Variants in ABCA10 observed in about 807,000 individuals in gnomAD.
ABCA10 encodes the protein ATP binding cassette subfamily A member 10.
ABCA10 carries 169 observed loss-of-function variants against 187.5 expected under a neutral mutation model. The ratio of observed to expected loss-of-function variants is 0.90; its 90% CI spans 0.80 to 1.02. The LOEUF (loss-of-function observed/expected upper bound fraction) is 1.02, where lower values mean the gene tolerates loss of function less well. Ranked by LOEUF, ABCA10 falls within the 50% of genes least tolerant of loss-of-function variation. The pLI, the probability that ABCA10 is intolerant of heterozygous loss-of-function variation, is 0.00. For synonymous variants in ABCA10, 574 were observed against 601.8 expected, an observed-to-expected ratio of 0.95 and a Z score of 0.68; for missense variants, 1,727 against 1,812.4, an observed-to-expected ratio of 0.95 and a Z score of 0.86.
chr17:69,194,368 T>TA lies in ABCA10; in HGVS notation c.1345+16dup. 6.3e-7 allele frequency: 1 copy of TA among 1,591,154 alleles called. No individual in the cohort carries two copies. Among genetic ancestry groups the TA allele is most frequent in the Non-Finnish European group, 8.6e-7 (1 of 1,162,686 alleles). ...TTGCTTTTTCAGCCAACTTACTTTA[T>TA]AAAACTGTTTTCTCACCTTCTGTAG... On this transcript the variant is annotated intron_variant, in intron 12 of 38. Coordinates refer to ENST00000690296, the MANE Select transcript of ABCA10 (RefSeq NM_001377321.1).
intron 11 of ABCA10, among the ~76,000 whole-genome samples, chr17:69,195,639 T>C (rs974310846): frequency 2.2e-4 from 32 of 142,620 alleles, no homozygotes; most frequent in African/African-American, 7.9e-4. Context: ...AGGACAATAG[T>C]GGAGGGAAGG....
At chr17:69,185,441 T>C (rs552863251) in intron 20 of ABCA10, 36 bp downstream of exon 20, 1 of 1,572,882 alleles carries the variant, frequency 6.4e-7, no homozygotes, top group Admixed American at 1.8e-5. Flanking sequence ...TCTTTGATAA[T>C]AAAAACTCAC....
chr17:69,152,442 G>T lies in ABCA10; in HGVS notation c.4176C>A (p.Gly1392=). ...LQATVKNKER[G]TLLTTHYMSE... ...ACATGTAATGGGTGGTCAAGAGGGT[G>T]CCCCTCTCCTTGTTTTTAACGGTAG... Residue 1392 remains glycine (G), a synonymous_variant, in exon 35 of 39, where the codon GGC becomes GGA. Coordinates refer to ENST00000690296, the MANE Select transcript of ABCA10 (RefSeq NM_001377321.1). The T allele has an allele frequency of 6.2e-7, 1 of 1,613,792 alleles. No homozygotes were observed. Among genetic ancestry groups the T allele is most frequent in the Non-Finnish European group, 8.5e-7 (1 of 1,179,806 alleles).
intron 9 of ABCA10, among the ~76,000 whole-genome samples, chr17:69,209,387 T>A (rs149855144): frequency 5.7e-4 from 87 of 152,338 alleles, no homozygotes; most frequent in Middle Eastern, 3.4e-3. Context: ...ATTTGCCACA[T>A]ACATAAGAAA....
upstream of ABCA10, among the ~76,000 whole-genome samples, chr17:69,231,899 A>C (rs1038810531): frequency 6.6e-6 from 1 of 152,012 alleles, no homozygotes; most frequent in Non-Finnish European, 1.5e-5. Flanking sequence ...TTTTAGATCT[A>C]TTTATATTTG....
chr17:69,183,917 G>A (rs1168677020), intron 20 of ABCA10, among the ~76,000 whole-genome samples: 1 of 152,154 alleles, frequency 6.6e-6, no homozygotes, highest in Non-Finnish European at 1.5e-5. Context: ...ATGGCAGGGG[G>A]AAGGCACATA....
At position 69,214,918 on chromosome 17, in the gene ABCA10, A is replaced by T. The variant is rs193238480; in HGVS notation, c.859-67T>A. The T allele has an allele frequency of 4.4e-4, 503 of 1,154,374 alleles. 4 individuals carry two copies. In the African/African-American group the frequency reaches 7.3e-3, roughly 17 times the overall value. 71.5% of individuals were successfully genotyped at this position (1,154,374 alleles called of 1,614,324 possible). On this transcript the variant is annotated intron_variant, in intron 8 of 38. Transcript: ENST00000690296. ...AAAACTAAATAAAACAATTTTTTTT[A>T]AAAAATAGTGGTACCTAGAGATATG...
rs567919118 is a variant in ABCA10, at chr17:69,241,188, C to T, written c.-593+3341G>A. Among the ~76,000 whole-genome samples, 4 of 152,312 alleles carry T rather than the reference C, an allele frequency of 2.6e-5. No individual in the cohort carries two copies. In the East Asian group the frequency reaches 7.7e-4, roughly 29 times the overall value. ...CATAATTGCTGATAATTCTACTCTT[C>T]CAGAGGCTCAGACAAAACAAAAAAC... On this transcript the variant is annotated intron_variant, in intron 1 of 39. Transcript: ENST00000269081.
chr17:69,181,198 T>C (rs1216959924), intron 22 of ABCA10, among the ~76,000 whole-genome samples: 3 of 152,166 alleles, frequency 2.0e-5, no homozygotes, highest in Admixed American at 2.0e-4. Context: ...AGCGTATATG[T>C]CTTATATTCA....
At chr17:69,157,233 G>T (rs12103556) in intron 27 of ABCA10, among the ~76,000 whole-genome samples, 71 of 152,128 alleles carry the variant, frequency 4.7e-4, no homozygotes, top group Admixed American at 1.6e-3. Context: ...ACAGGAGATA[G>T]GTTTAGCCCC....
chr17:69,212,695 C>T (rs903418823), intron 9 of ABCA10, among the ~76,000 whole-genome samples: 10 of 152,082 alleles, frequency 6.6e-5, no homozygotes, highest in African/African-American at 2.4e-4. Flanking sequence ...TTGGACTAGT[C>T]CTTTTATTAT....
chr17:69,192,741 G>T, intron 15 of ABCA10, 88 bp from the exon 16 acceptor site: 1 of 1,127,016 alleles, frequency 8.9e-7, no homozygotes, highest in Non-Finnish European at 1.3e-6. Context: ...AACACTGAAT[G>T]AAATTTGTAA....
At chr17:69,213,427 T>C (rs1763566526) in intron 9 of ABCA10, among the ~76,000 whole-genome samples, 1 of 150,890 alleles carries the variant, frequency 6.6e-6, no homozygotes, top group South Asian at 2.1e-4. Context: ...GGAGGGTCGT[T>C]CTCAGACCAA....
At chr17:69,207,918 T>C (rs1460803472) in intron 9 of ABCA10, among the ~76,000 whole-genome samples, 1 of 152,172 alleles carries the variant, frequency 6.6e-6, no homozygotes, top group East Asian at 1.9e-4. Flanking sequence ...AGAGTAGATT[T>C]TAAGTGTTCT....
chr17:69,182,211 A>C lies in ABCA10; in HGVS notation c.2711T>G (p.Leu904Arg). 6.2e-7 allele frequency: 1 copy of C among 1,601,198 alleles called. No individual in the cohort carries two copies. Among genetic ancestry groups the C allele is most frequent in the Non-Finnish European group, 8.5e-7 (1 of 1,173,188 alleles). The stretch of plus-strand genomic sequence containing the variant: ...CTCCGTGAAGTTAAAAATTCCCATA[A>C]GGGCATTGCTAACAATTCCCATAAG... ...PVLMGIVSNA[L>R]MGIFNFTELI... Residue 904 changes from leucine to arginine, a missense_variant, in exon 22 of 39, where the codon CTT becomes CGT. Physicochemically the swap from Leu to Arg is moderately radical, Grantham distance 102. Transcript: ENST00000690296.
intron 6 of ABCA10, among the ~76,000 whole-genome samples, chr17:69,217,669 A>G (rs532485443): frequency 2.0e-5 from 3 of 152,298 alleles, no homozygotes; most frequent in Admixed American, 1.3e-4. Flanking sequence ...TAAGTAGTAA[A>G]TTTGTGCCTG....
chr17:69,206,399 A>G (rs1161579441), intron 9 of ABCA10, among the ~76,000 whole-genome samples: 3 of 152,290 alleles, frequency 2.0e-5, no homozygotes, highest in South Asian at 2.1e-4. Flanking sequence ...ATGACTATCT[A>G]CACTCAAAAA....
Position 69,148,905 on chromosome 17 carries a change from T to C in ABCA10, c.4554A>G (p.Lys1518=). ...TLEQVFLELC[K]EQELGNVDDK... is the part of the protein sequence containing the mutation. ...CATCAACATTTCCCAGCTCCTGCTC[T>C]TTACAGAGTTCTAAGAATACCTAAG... The change falls in exon 39 of 39, where the codon AAA becomes AAG. Residue 1518 remains lysine, a synonymous_variant. Transcript: ENST00000690296. The C allele has an allele frequency of 2.5e-6, 4 of 1,613,758 alleles. No individual in the cohort carries two copies. The highest frequency in any genetic ancestry group is 3.4e-6 in the Non-Finnish European group (4 of 1,179,814).
intron 9 of ABCA10, among the ~76,000 whole-genome samples, chr17:69,207,525 T>C (rs2074600585): frequency 6.6e-6 from 1 of 151,786 alleles, no homozygotes; most frequent in Admixed American, 6.6e-5. Flanking sequence ...ATAAAGAAAT[T>C]GTGAGATAGA....
Sources: allele counts gnomAD v4.1 joint callset (sites outside exome capture counted in the v4.1 genomes callset), GRCh38; gene constraint gnomAD v4.1.1; transcripts MANE v1.5; gene names NCBI Gene and HGNC (gene_info 2026-07-23, HGNC 2026-07-21).